The following NEU1 variants were observed in gnomAD, a reference collection of about 807,000 sequenced individuals.
The protein encoded by NEU1 is neuraminidase 1.
A neutral mutation model predicts 38.3 loss-of-function variants in NEU1; 32 were observed. That is an observed-to-expected ratio of 0.84 (90% CI 0.63 to 1.12). The LOEUF is 1.12. NEU1 is among the 50% of genes most tolerant of loss of function. The pLI is 0.00. For synonymous variants in NEU1, 192 were observed against 225.2 expected (o/e 0.85, Z 1.32); for missense variants, 431 against 549.2 (o/e 0.78, Z 2.15).
Position 31,859,496 on chromosome 6 carries a change from A to G in NEU1, c.*223T>C. 1.6e-6 allele frequency: 1 copy of G among 643,490 alleles called. No homozygotes were observed. Among genetic ancestry groups the G allele is most frequent in the East Asian group, 2.7e-5 (1 of 36,726 alleles). The allele number at this position is 643,490 out of a possible 1,614,324, so 39.9% of individuals were successfully genotyped here. On this transcript the variant is annotated 3_prime_UTR_variant, in exon 6 of 6. Coordinates refer to ENST00000375631, the MANE Select transcript of NEU1 (RefSeq NM_000434.4). ...GGGCCACACTTAGCCATATGGAAAGACAGTATTCTCAGATGAGGGCAGGAC... is the reference window on the plus strand; with the variant it reads ...GGGCCACACTTAGCCATATGGAAAGGCAGTATTCTCAGATGAGGGCAGGAC...
In NEU1 at chr6:31,861,358, C is replaced by G. The variant is rs1241825234; in HGVS notation, c.445G>C (p.Gly149Arg). Residue 149 changes from glycine (G) to arginine (R), a missense_variant, in exon 3 of 6, where the codon GGA (glycine) becomes CGA (arginine). Transcript: ENST00000375631. ...LGAVVSDVET[G>R]VVFLFYSLCA... ...AGGGAGTAGAAAAGAAATACTACTC[C>G]TGTCTCAACATCGCTCACTACTGCC... The G allele has an allele frequency of 6.2e-7, 1 of 1,613,048 alleles. No homozygotes were observed. Among genetic ancestry groups the G allele is most frequent in the East Asian group, 2.2e-5 (1 of 44,890 alleles).
Position 31,862,546 on chromosome 6 carries a change from C to G in NEU1, c.159+72G>C. 6.2e-7 allele frequency: 1 copy of G among 1,607,250 alleles called. No homozygotes were observed. Among genetic ancestry groups the G allele is most frequent in the Non-Finnish European group, 8.5e-7 (1 of 1,175,032 alleles). On this transcript the variant is annotated intron_variant, in intron 1 of 5. Transcript: ENST00000375631. The surrounding 1 kb of genome is among the most constrained non-coding windows in gnomAD (Gnocchi z 6.3). ...GTCGCGGAAAGTCGGCTCAGCCGCC[C>G]GCGTTCCGGGGGACACTAGGTGTCG...
intron 5 of NEU1, 28 bp from the exon 6 acceptor site, chr6:31,859,973 G>A (rs1268351957): frequency 6.2e-6 from 10 of 1,612,616 alleles, no homozygotes; most frequent in Non-Finnish European, 4.2e-6. Flanking sequence ...GTCAGGGAGA[G>A]AGGGTCTCTG....
rs2507954 is a variant in NEU1 at position 31,858,637 on chromosome 6, A to G, written c.*1082T>C. 0.3 allele frequency: 45,353 copies of G among 151,262 alleles called. 7,797 individuals are homozygous for G. The highest frequency in any genetic ancestry group is 0.47 in the Middle Eastern group (135 of 290). The allele number at this position is 151,262 out of a possible 1,614,324, so 9.4% of individuals were successfully genotyped here. On this transcript the variant is annotated 3_prime_UTR_variant, in exon 6 of 6. Transcript: ENST00000375631. ...AAAAAAAAAAATTAAATTAAAAAATAAATAAATAAAAAATAAAAAATATCT... is the reference window on the plus strand; with the variant it reads ...AAAAAAAAAAATTAAATTAAAAAATGAATAAATAAAAAATAAAAAATATCT...
In NEU1 at chr6:31,860,059, G is replaced by T. The variant is rs749996046; in HGVS notation, c.1004C>A (p.Pro335Gln). The T allele has an allele frequency of 3.7e-6, 6 of 1,612,850 alleles. No individual in the cohort carries two copies. The highest frequency in any genetic ancestry group is 5.1e-6 in the Non-Finnish European group (6 of 1,180,006). The change falls in exon 5 of 6, where the codon CCA (proline) becomes CAA (glutamine). Residue 335 changes from proline to glutamine, a missense_variant. By Grantham distance (76) the Pro-to-Gln change is moderately conservative (BLOSUM62 -1). Transcript: ENST00000375631. This position sits in a 1 kb window ranked among gnomAD's most constrained non-coding sequence, Gnocchi z 4.8. Reference sequence around the variant, plus strand: ...GCACTCACGGAACTCTGGATGTGCTGGGTTGGAGAAGAAGACAATGCCGGA... The same window carrying T: ...GCACTCACGGAACTCTGGATGTGCTTGGTTGGAGAAGAAGACAATGCCGGA... ...TSSGIVFFSNPAHPEFRVNLT... is the reference protein window; with the variant it reads ...TSSGIVFFSNQAHPEFRVNLT...
At position 31,860,393 on chromosome 6, in the gene NEU1, G is replaced by A. The variant is rs1230457211; in HGVS notation, c.798+46C>T. 7 of 1,611,502 alleles carry A rather than the reference G, an allele frequency of 4.3e-6. No individual in the cohort carries two copies. The highest frequency in any genetic ancestry group is 5.9e-6 in the Non-Finnish European group (7 of 1,177,790). The stretch of plus-strand genomic sequence containing the variant: ...CTGTGCGTGAAATGATGTTCTGGAG[G>A]GCAGGGAGGGTCAAATGGGTAGGGA... On this transcript the variant is annotated intron_variant, in intron 4 of 5. Transcript: ENST00000375631. The surrounding 1 kb of genome is among the most constrained non-coding windows in gnomAD (Gnocchi z 4.8).
Position 31,861,337 on chromosome 6 carries a change from A to G in NEU1, c.466T>C (p.Ser156Pro). 6.2e-7 allele frequency: 1 copy of G among 1,613,004 alleles called. No individual in the cohort carries two copies. The highest frequency in any genetic ancestry group is 8.5e-7 in the Non-Finnish European group (1 of 1,180,022). ...CAGCCGGCCTTGTGAGCACAAAGGG[A>G]GTAGAAAAGAAATACTACTCCTGTC... The part of the protein sequence containing the change: ...VETGVVFLFY[S>P]LCAHKAGCQV... Residue 156 changes from serine (S) to proline (P), a missense_variant, in exon 3 of 6, where the codon TCC becomes CCC. Transcript: ENST00000375631.
chr6:31,858,009 T>C lies in NEU1; in HGVS notation c.*1710A>G, dbSNP rs1010024830. 19 of 152,050 alleles carry C rather than the reference T, an allele frequency of 1.2e-4. No homozygotes were observed. The highest frequency in any genetic ancestry group is 4.6e-4 in the African/African-American group (19 of 41,386). 9.4% of individuals were successfully genotyped at this position (152,050 alleles called of 1,614,324 possible). A position where few individuals can be genotyped will look rare whatever the true frequency, so the allele number is the denominator to read the frequency against. On this transcript the variant is annotated 3_prime_UTR_variant, in exon 6 of 6. Transcript: ENST00000375631. ...CCACCTGAGTAGCTGGGACTATAAG[T>C]GTAAGCCAACACGCCTGGCTAGTTT... is the stretch of plus-strand genomic sequence containing the variant.
At position 31,862,004 on chromosome 6, in the gene NEU1, T is replaced by C. The variant is rs1253916594; in HGVS notation, c.347A>G (p.Asp116Gly). The C allele has an allele frequency of 1.2e-6, 2 of 1,613,044 alleles. No homozygotes were observed. Among genetic ancestry groups the C allele is most frequent in the Non-Finnish European group, 1.7e-6 (2 of 1,180,024 alleles). ...TCACCCAGACATCTTTATACCCTGG[T>C]CCATGGACCTCCGCAGGGCGATGAA... is the stretch of plus-strand genomic sequence containing the variant. The part of the protein sequence containing the change: ...AKFIALRRSM[D>G]QGSTWSPTAF... Residue 116 changes from aspartate to glycine, a missense_variant, in exon 2 of 6, where the codon GAC (aspartate) becomes GGC (glycine). Asp to Gly is a moderately conservative substitution (Grantham distance 94, BLOSUM62 -1). Coordinates refer to ENST00000375631, the MANE Select transcript of NEU1 (RefSeq NM_000434.4). This position sits in a 1 kb window ranked among gnomAD's most constrained non-coding sequence, Gnocchi z 6.3.
chr6:31,860,545 A>T lies in NEU1; in HGVS notation c.692T>A (p.Leu231His), dbSNP rs762400331. 3 of 1,613,918 alleles carry T rather than the reference A, an allele frequency of 1.9e-6. No individual in the cohort carries two copies. The African/African-American group carries it at 4.0e-5, about 22-fold the overall frequency. The change falls in exon 4 of 6, where the codon CTC (leucine) becomes CAC (histidine). Residue 231 changes from leucine to histidine, a missense_variant. Transcript: ENST00000375631. This position sits in a 1 kb window ranked among gnomAD's most constrained non-coding sequence, Gnocchi z 4.8. ...GGAGGCACCATGATCATCGCTGAGG[A>T]GACAGAAGACTCCGTCCCGCTCCAG... ...GTLERDGVFC[L>H]LSDDHGASWR...
Position 31,861,211 on chromosome 6 carries a change from G to C in NEU1, c.592C>G (p.Pro198Ala), listed in dbSNP as rs766152298. Residue 198 changes from proline to alanine, a missense_variant, in exon 3 of 6, where the codon CCT becomes GCT. Physicochemically the swap from Pro to Ala is conservative, Grantham distance 27 (BLOSUM62 -1). Coordinates refer to ENST00000375631, the MANE Select transcript of NEU1 (RefSeq NM_000434.4). Reference sequence around the variant, plus strand: ...ACCTGAATACCAGAGCCCGGTCCAGGGGCAAACACTTCAGTGCCAATATCC... The same window carrying C: ...ACCTGAATACCAGAGCCCGGTCCAGCGGCAAACACTTCAGTGCCAATATCC... ...SLDIGTEVFA[P>A]GPGSGIQKQR... 1 of 1,612,090 alleles carries C rather than the reference G, an allele frequency of 6.2e-7. No homozygotes were observed. Among genetic ancestry groups the C allele is most frequent in the Non-Finnish European group, 8.5e-7 (1 of 1,180,032 alleles).
At chr6:31,861,157 G>T in intron 3 of NEU1, 31 bp downstream of exon 3, 3 of 1,610,884 alleles carry the variant, frequency 1.9e-6, no homozygotes, top group Non-Finnish European at 2.5e-6. Context: ...CCACAAGGCA[G>T]CCCCCTCCAC....
Position 31,858,857 on chromosome 6 carries a change from ATAAAAAT to A in NEU1, c.*855_*861del, listed in dbSNP as rs1762394244. 1 of 151,958 alleles carries A rather than the reference ATAAAAAT, an allele frequency of 6.6e-6. No individual in the cohort carries two copies. The highest frequency in any genetic ancestry group is 2.1e-4 in the South Asian group (1 of 4,820). 9.4% of individuals were successfully genotyped at this position (151,958 alleles called of 1,614,324 possible). A position where few individuals can be genotyped will look rare whatever the true frequency, so the allele number is the denominator to read the frequency against. On this transcript the variant is annotated 3_prime_UTR_variant, in exon 6 of 6. Coordinates refer to ENST00000375631, the MANE Select transcript of NEU1 (RefSeq NM_000434.4). ...TAGCGCAACCTTGTCTCTACTGAAA[ATAAAAAT>A]TAAAAAAATTAACCAGGCATGGTGT...
At chr6:31,861,669 T>C (rs1423364170) in intron 2 of NEU1, 4 of 638,520 alleles carry the variant, frequency 6.3e-6, no homozygotes. Context: ...TTGTTTATTA[T>C]GCTTGTCTGT....
At position 31,861,578 on chromosome 6, in the gene NEU1, CACTT is replaced by C. The variant is rs1261414063; in HGVS notation, c.353-132_353-129del. On this transcript the variant is annotated intron_variant, in intron 2 of 5. Coordinates refer to ENST00000375631, the MANE Select transcript of NEU1 (RefSeq NM_000434.4). ...CCGATGGTCCCAGGGTGCAATCCAA[CACTT>C]GCACTATCTATACCTCTTGTCCTGT... 6.3e-6 allele frequency: 7 copies of C among 1,106,396 alleles called. No homozygotes were observed. In the Admixed American group the frequency reaches 1.3e-4, roughly 21 times the overall value. 68.5% of individuals were successfully genotyped at this position (1,106,396 alleles called of 1,614,324 possible).
At position 31,860,452 on chromosome 6, in the gene NEU1, G is replaced by C; in HGVS notation, c.785C>G (p.Pro262Arg). 6.2e-7 allele frequency: 1 copy of C among 1,614,072 alleles called. No individual in the cohort carries two copies. Among genetic ancestry groups the C allele is most frequent in the Non-Finnish European group, 8.5e-7 (1 of 1,180,024 alleles). Reference protein sequence around the residue: ...GQPKQENDFNPDECQPYELPD... With the variant: ...GQPKQENDFNRDECQPYELPD... ...TGGACTCCTGACCTGGCATTCATCA[G>C]GATTGAAATCATTTTCCTGCTTGGG... Residue 262 changes from proline to arginine, a missense_variant, in exon 4 of 6, where the codon CCT (proline) becomes CGT (arginine). Physicochemically the swap from Pro to Arg is moderately radical, Grantham distance 103. Coordinates refer to ENST00000375631, the MANE Select transcript of NEU1 (RefSeq NM_000434.4). The surrounding 1 kb of genome is among the most constrained non-coding windows in gnomAD (Gnocchi z 4.8).
chr6:31,862,709 C>A lies in NEU1; in HGVS notation c.68G>T (p.Trp23Leu). ...RRWGPRILGFWGGCRVWVFAA... is the reference protein window; with the variant it reads ...RRWGPRILGFLGGCRVWVFAA... The stretch of plus-strand genomic sequence containing the variant: ...AAACACCCAAACCCTACAGCCTCCC[C>A]AGAAGCCCAGAATCCGCGGCCCCCA... The change falls in exon 1 of 6, where the codon TGG becomes TTG. Residue 23 changes from tryptophan to leucine, a missense_variant. Transcript: ENST00000375631. This position sits in a 1 kb window ranked among gnomAD's most constrained non-coding sequence, Gnocchi z 6.3. 1 of 1,613,028 alleles carries A rather than the reference C, an allele frequency of 6.2e-7. No homozygotes were observed. Among genetic ancestry groups the A allele is most frequent in the Non-Finnish European group, 8.5e-7 (1 of 1,180,028 alleles).
intron 2 of NEU1, 60 bp downstream of exon 2, chr6:31,861,937 GCT>G (rs1762531978): frequency 6.3e-7 from 1 of 1,579,404 alleles, no homozygotes; most frequent in Non-Finnish European, 8.7e-7. Context: ...GGGCCCTTGG[GCT>G]CATTGGGCTG....
In NEU1 at chr6:31,862,811, A is replaced by G; in HGVS notation, c.-35T>C. The stretch of plus-strand genomic sequence containing the variant: ...CAGCTGCCGCGACCCTGGCAGCTAG[A>G]CTCCACAGAGTCGGGAGTCAGCTGA... On this transcript the variant is annotated 5_prime_UTR_variant, in exon 1 of 6. Coordinates refer to ENST00000375631, the MANE Select transcript of NEU1 (RefSeq NM_000434.4). The surrounding 1 kb of genome is among the most constrained non-coding windows in gnomAD (Gnocchi z 6.3). 1.2e-6 allele frequency: 2 copies of G among 1,611,524 alleles called. No homozygotes were observed. The highest frequency in any genetic ancestry group is 1.7e-6 in the Non-Finnish European group (2 of 1,179,414).
Sources: gnomAD v4.1 joint callset for allele counts on GRCh38, gnomAD v4.1.1 for gene constraint, Gnocchi (gnomAD v3.1) non-coding constraint, MANE v1.5 for transcripts, NCBI Gene and HGNC (gene_info 2026-07-23, HGNC 2026-07-21) for gene names.